The following FUBP1 variants were observed in gnomAD, a reference collection of about 807,000 sequenced individuals.
FUBP1 encodes the protein far upstream element-binding protein 1.
Under a neutral mutation model 94.9 loss-of-function variants are expected in FUBP1, and 16 were observed. That is an observed-to-expected ratio of 0.17 (90% CI 0.11 to 0.26). The LOEUF is 0.26. Ranked by LOEUF, FUBP1 falls within the 10% of genes least tolerant of loss-of-function variation. The probability of loss-of-function intolerance (pLI) is 1.00; values close to 1 mark genes in which losing one functional copy is unlikely to be tolerated. For missense variants in FUBP1, 583 were observed against 808.6 expected, an observed-to-expected ratio of 0.72 and a Z score of 3.38; for synonymous variants, 279 against 254.9, an observed-to-expected ratio of 1.09 and a Z score of -0.90.
Position 77,956,588 on chromosome 1 carries a change from A to G in FUBP1, c.1689T>C (p.Thr563=). 1 of 1,612,880 alleles carries G rather than the reference A, an allele frequency of 6.2e-7. No individual in the cohort carries two copies. The highest frequency in any genetic ancestry group is 8.5e-7 in the Non-Finnish European group (1 of 1,179,024). ...PAAPAGAPTT[T]QTNGQGDQQN... ...TGTAGTTACCTTGTCCATTAGTTTG[A>G]GTTGTAGTTGGTGCACCTGCAGGGG... The change falls in exon 17 of 20, where the codon ACT becomes ACC. Residue 563 remains threonine, a synonymous_variant. Coordinates refer to ENST00000370768, the MANE Select transcript of FUBP1 (RefSeq NM_003902.5).
rs1022044950 is a variant in FUBP1, at chr1:77,949,379, C to G, written c.1781-79G>C. ...CATTTCTAATAAAAACAATACCTTG[C>G]TTCTTGTAATATTTCTCCCAAGCCT... On this transcript the variant is annotated intron_variant, in intron 18 of 19. Transcript: ENST00000370768. The G allele has an allele frequency of 1.3e-5, 15 of 1,150,580 alleles. No individual in the cohort carries two copies. The African/African-American group carries it at 2.0e-4, about 15-fold the overall frequency. 71.3% of individuals were successfully genotyped at this position (1,150,580 alleles called of 1,614,324 possible). A position where few individuals can be genotyped will look rare whatever the true frequency, so the allele number is the denominator to read the frequency against.
chr1:77,953,218 A>G (rs11806130), intron 18 of FUBP1, among the ~76,000 whole-genome samples: 44,359 of 151,704 alleles, frequency 0.29, 7,851 homozygotes, highest in African/African-American at 0.51. Context: ...GGCTGGGTGC[A>G]GTGGCTCACA....
chr1:77,965,496 T>C (rs1656300612), intron 7 of FUBP1, among the ~76,000 whole-genome samples: 1 of 152,234 alleles, frequency 6.6e-6, no homozygotes, highest in South Asian at 2.1e-4. Context: ...AGAACTCTAA[T>C]GCTAAAGTTA....
intron 17 of FUBP1, 191 bp from the exon 18 acceptor site, chr1:77,955,520 A>G (rs1030063284): frequency 1.0e-5 from 5 of 498,670 alleles, no homozygotes; most frequent in African/African-American, 8.0e-5. Flanking sequence ...GGTGGTGGAC[A>G]GAAAAGAAAA....
At chr1:77,958,418 T>C (rs1320904266) in intron 16 of FUBP1, among the ~76,000 whole-genome samples, 1 of 152,238 alleles carries the variant, frequency 6.6e-6, no homozygotes, top group East Asian at 1.9e-4. Context: ...TCTAAATTCT[T>C]GACCACTACA....
intron 1 of FUBP1, among the ~76,000 whole-genome samples, chr1:77,976,707 T>G (rs113970935): frequency 0.015 from 2,295 of 152,296 alleles, 54 homozygotes; most frequent in African/African-American, 0.053. Context: ...TTGGCCAGGC[T>G]GGTCTTAAAC....
At chr1:77,954,460 T>C (rs1350747676) in intron 18 of FUBP1, among the ~76,000 whole-genome samples, 1 of 152,204 alleles carries the variant, frequency 6.6e-6, no homozygotes, top group African/African-American at 2.4e-5. Context: ...AAGAAACCAG[T>C]TGTGCAAAAC....
chr1:77,950,139 T>C (rs1277277643), intron 18 of FUBP1, among the ~76,000 whole-genome samples: 1 of 152,148 alleles, frequency 6.6e-6, no homozygotes, highest in African/African-American at 2.4e-5. Context: ...AATTTAAATA[T>C]AGTCTGTATG....
intron 14 of FUBP1, among the ~76,000 whole-genome samples, chr1:77,962,389 T>C (rs1026858309): frequency 6.6e-6 from 1 of 152,192 alleles, no homozygotes; most frequent in African/African-American, 2.4e-5. Context: ...GAGTGGCAGA[T>C]GTATCTGATT....
chr1:77,951,609 G>A (rs1653481935), intron 18 of FUBP1, among the ~76,000 whole-genome samples: 1 of 152,148 alleles, frequency 6.6e-6, no homozygotes. Flanking sequence ...AGTGGCAGTG[G>A]TGTGATCATG....
At chr1:77,948,933 T>C (rs990422117) in intron 19 of FUBP1, 159 bp from the exon 20 acceptor site, 3 of 1,113,052 alleles carry the variant, frequency 2.7e-6, no homozygotes, top group Admixed American at 2.0e-5. Context: ...AGAAAATTTA[T>C]TTTTAAAATC....
chr1:77,957,693 A>G (rs1654721167), intron 16 of FUBP1, among the ~76,000 whole-genome samples: 1 of 152,248 alleles, frequency 6.6e-6, no homozygotes, highest in Non-Finnish European at 1.5e-5. Context: ...AATTTCTAGA[A>G]AAAGAAAATT....
In FUBP1 at chr1:77,978,874, TC is replaced by T. The variant is rs1659295927; in HGVS notation, c.120+10del. On this transcript the variant is annotated intron_variant, in intron 1 of 19. Transcript: ENST00000370768. The stretch of plus-strand genomic sequence containing the variant: ...GAGCTTTCGGGATTCCGCCGCGCGG[TC>T]CACACTTACCTGCCGGGCTCTCTGC... 1 of 1,613,836 alleles carries T rather than the reference TC, an allele frequency of 6.2e-7. No homozygotes were observed.
intron 7 of FUBP1, 39 bp downstream of exon 7, chr1:77,966,655 T>C (rs754823489): frequency 2.0e-6 from 2 of 988,360 alleles, no homozygotes; most frequent in South Asian, 1.3e-5. Flanking sequence ...AGTTCTGCTG[T>C]TGTTACTTAA....
intron 3 of FUBP1, 103 bp from the exon 4 acceptor site, chr1:77,967,769 T>C (rs1320139594): frequency 2.8e-6 from 2 of 724,586 alleles, no homozygotes; most frequent in East Asian, 2.7e-5. Context: ...CTCTCCCTAA[T>C]GCACAGACAA....
chr1:77,976,239 G>C (rs190006842), intron 1 of FUBP1, among the ~76,000 whole-genome samples: 130 of 152,314 alleles, frequency 8.5e-4, no homozygotes, highest in Non-Finnish European at 1.6e-3. Flanking sequence ...GTACGCTTCT[G>C]TATATTCCAC....
intron 3 of FUBP1, among the ~76,000 whole-genome samples, chr1:77,967,910 C>G (rs976952228): frequency 3.3e-5 from 5 of 151,954 alleles, no homozygotes; most frequent in African/African-American, 1.2e-4. Flanking sequence ...TCAAGTTGTA[C>G]AAGTATAGAT....
At chr1:77,978,858 G>A in intron 1 of FUBP1, 27 bp downstream of exon 1, 1 of 1,613,438 alleles carries the variant, frequency 6.2e-7, no homozygotes, top group Non-Finnish European at 8.5e-7. Context: ...TGAGCTTTCG[G>A]GATTCCGCCG....
At position 77,979,048 on chromosome 1, in the gene FUBP1, C is replaced by G; in HGVS notation, c.-44G>C. On this transcript the variant is annotated 5_prime_UTR_variant, in exon 1 of 20. Coordinates refer to ENST00000370768, the MANE Select transcript of FUBP1 (RefSeq NM_003902.5). ...GCTGCCGCCTGTTCAGAGACTTCCT[C>G]TCAGCTAACAGCTAAGAAAGAAAGA... 3.2e-6 allele frequency: 5 copies of G among 1,557,400 alleles called. No homozygotes were observed. Among genetic ancestry groups the G allele is most frequent in the Non-Finnish European group, 4.4e-6 (5 of 1,146,012 alleles).
Sources: allele counts gnomAD v4.1 joint callset (sites outside exome capture counted in the v4.1 genomes callset), GRCh38; gene constraint gnomAD v4.1.1; transcripts MANE v1.5; gene names NCBI Gene and HGNC (gene_info 2026-07-23, HGNC 2026-07-21).